The following ZNF407 variants were observed in gnomAD, a reference collection of about 807,000 sequenced individuals.
The protein encoded by ZNF407 is zinc finger protein 407.
Under a neutral mutation model 131.2 loss-of-function variants are expected in ZNF407, and 17 were observed. That is an observed-to-expected ratio of 0.13 (90% CI 0.09 to 0.19). The LOEUF (loss-of-function observed/expected upper bound fraction) is 0.19, where lower values mean the gene tolerates loss of function less well. Among genes scored for constraint, ZNF407 ranks in the 10% least tolerant of loss-of-function variants. The pLI is 1.00. For synonymous variants in ZNF407, 1,156 were observed against 1,062.0 expected (o/e 1.09, Z -1.72); for missense variants, 2,681 against 2,830.6 (o/e 0.95, Z 1.20).
At chr18:75,007,261 G>A (rs1454505394) in intron 8 of ZNF407, among the ~76,000 whole-genome samples, 1 of 151,190 alleles carries the variant, frequency 6.6e-6, no homozygotes, top group Non-Finnish European at 1.5e-5. Flanking sequence ...CTGCTTTCTT[G>A]TATCCTTTGA....
intron 4 of ZNF407, among the ~76,000 whole-genome samples, chr18:74,847,288 A>G (rs1970715770): frequency 6.6e-6 from 1 of 152,186 alleles, no homozygotes; most frequent in Non-Finnish European, 1.5e-5. Flanking sequence ...AGAAAGTCCT[A>G]TTACAATATT....
At chr18:74,795,336 T>C (rs17243850) in intron 4 of ZNF407, among the ~76,000 whole-genome samples, 25,618 of 152,180 alleles carry the variant, frequency 0.17, 2,425 homozygotes, top group Non-Finnish European at 0.22. Flanking sequence ...CATCTGGACA[T>C]TTATTTGTCA....
At chr18:75,024,739 G>A (rs1471959401) in intron 8 of ZNF407, among the ~76,000 whole-genome samples, 1 of 152,006 alleles carries the variant, frequency 6.6e-6, no homozygotes, top group African/African-American at 2.4e-5. Context: ...TAATGTCAGC[G>A]GTAAAATTTA....
At chr18:75,009,124 T>C (rs1356614643) in intron 8 of ZNF407, among the ~76,000 whole-genome samples, 1 of 152,186 alleles carries the variant, frequency 6.6e-6, no homozygotes, top group Non-Finnish European at 1.5e-5. Context: ...CTTTGTAACA[T>C]TAAAACTTCA....
intron 1 of ZNF407, among the ~76,000 whole-genome samples, chr18:74,623,962 G>A (rs1983677729): frequency 6.6e-6 from 1 of 152,170 alleles, no homozygotes; most frequent in Admixed American, 6.5e-5. Flanking sequence ...CGTAATGCTT[G>A]AAGAAGACTG....
At position 74,726,315 on chromosome 18, in the gene ZNF407, T is replaced by C. The variant is rs116391504; in HGVS notation, c.4803-55113T>C. Among the ~76,000 whole-genome samples the C allele has an allele frequency of 2.8e-4, 42 of 152,318 alleles. 1 individual carries two copies. Among genetic ancestry groups the C allele is most frequent in the African/African-American group, 9.4e-4 (39 of 41,568 alleles). On this transcript the variant is annotated intron_variant, in intron 3 of 8. Coordinates refer to ENST00000299687, the MANE Select transcript of ZNF407 (RefSeq NM_017757.3). The stretch of plus-strand genomic sequence containing the variant: ...ATGAATCATCTTATTAGATGTGTGC[T>C]TCCAGTTAATCCCTCACATATATTT...
At chr18:74,958,948 G>A (rs1972308076) in intron 8 of ZNF407, among the ~76,000 whole-genome samples, 1 of 152,156 alleles carries the variant, frequency 6.6e-6, no homozygotes, top group Non-Finnish European at 1.5e-5. Context: ...GAATGGAGAG[G>A]CGGAAGTTAC....
At chr18:74,664,297 C>T (rs1371288764) in intron 3 of ZNF407, among the ~76,000 whole-genome samples, 7 of 152,168 alleles carry the variant, frequency 4.6e-5, no homozygotes, top group African/African-American at 1.4e-4. Context: ...GTCAGGAGCT[C>T]GAGGCCAGCC....
Position 74,632,815 on chromosome 18 carries a change from A to G in ZNF407, c.1796A>G (p.Asp599Gly), listed in dbSNP as rs1351780811. The change falls in exon 2 of 9, where the codon GAT becomes GGT. Residue 599 changes from aspartate (D) to glycine (G), a missense_variant. Asp to Gly is a moderately conservative substitution (Grantham distance 94). Around this residue, in one of 6 missense-constraint regions of ZNF407, gnomAD observed 1,789 missense variants for 1,748.7 expected, o/e 1.02. Transcript: ENST00000299687. Reference protein sequence around the residue: ...SCQCCSFISLDEINLRDHMKE... With the variant: ...SCQCCSFISLGEINLRDHMKE... ...CAGTGTTGTTCATTTATATCCTTGG[A>G]TGAAATAAATCTTAGAGACCACATG... The G allele has an allele frequency of 1.9e-6, 3 of 1,613,884 alleles. No individual in the cohort carries two copies. The African/African-American group carries it at 4.0e-5, about 22-fold the overall frequency.
chr18:74,985,235 C>G (rs1419951147), intron 8 of ZNF407, among the ~76,000 whole-genome samples: 1 of 152,062 alleles, frequency 6.6e-6, no homozygotes, highest in African/African-American at 2.4e-5. Flanking sequence ...TAATTTTTAC[C>G]TCCTTAAAAT....
intron 8 of ZNF407, among the ~76,000 whole-genome samples, chr18:74,959,622 T>C (rs1209201306): frequency 6.6e-6 from 1 of 152,204 alleles, no homozygotes; most frequent in East Asian, 1.9e-4. Flanking sequence ...CGGAATACAC[T>C]TGGGAACTTG....
At chr18:74,667,847 G>T (rs897614981) in intron 3 of ZNF407, among the ~76,000 whole-genome samples, 2 of 152,170 alleles carry the variant, frequency 1.3e-5, no homozygotes, top group Non-Finnish European at 2.9e-5. Flanking sequence ...TTCAGTTTTA[G>T]GGAGTTACTT....
In ZNF407 at chr18:75,019,481, A is replaced by C. The variant is rs191023838; in HGVS notation, c.5429-43669A>C. The stretch of plus-strand genomic sequence containing the variant: ...ATAGTAAATGGAAAATTCCAGAAAC[A>C]GTTATTTAAATTGCTTTTTAAATTA... On this transcript the variant is annotated intron_variant, in intron 8 of 8. Coordinates refer to ENST00000299687, the MANE Select transcript of ZNF407 (RefSeq NM_017757.3). 1.8e-3 allele frequency among the ~76,000 whole-genome samples: 271 copies of C among 152,282 alleles called. 3 individuals carry two copies. Among genetic ancestry groups the C allele is most frequent in the Admixed American group, 0.017 (256 of 15,304 alleles).
At chr18:74,700,173 A>G (rs540826746) in intron 3 of ZNF407, among the ~76,000 whole-genome samples, 1 of 152,338 alleles carries the variant, frequency 6.6e-6, no homozygotes, top group African/African-American at 2.4e-5. Context: ...ATTAAATTTA[A>G]TATTCTGCTA....
chr18:74,772,115 T>C (rs1969375238), intron 3 of ZNF407, among the ~76,000 whole-genome samples: 1 of 152,174 alleles, frequency 6.6e-6, no homozygotes, highest in Admixed American at 6.5e-5. Flanking sequence ...CTTTGCCCCA[T>C]TTTCTTGAAA....
chr18:75,020,800 A>C (rs1278762031), intron 8 of ZNF407, among the ~76,000 whole-genome samples: 1 of 152,232 alleles, frequency 6.6e-6, no homozygotes, highest in African/African-American at 2.4e-5. Flanking sequence ...TCAGCATTTT[A>C]GAATGAGAAG....
chr18:74,953,452 C>A (rs1293052716), intron 8 of ZNF407, among the ~76,000 whole-genome samples: 4 of 152,116 alleles, frequency 2.6e-5, no homozygotes, highest in Admixed American at 2.0e-4. Flanking sequence ...TGTATCATGG[C>A]CATCTTTTCT....
chr18:74,635,449 A>AG lies in ZNF407; in HGVS notation c.4432dup (p.Glu1478GlyfsTer10). 1 of 1,613,526 alleles carries AG rather than the reference A, an allele frequency of 6.2e-7. No individual in the cohort carries two copies. The highest frequency in any genetic ancestry group is 8.5e-7 in the Non-Finnish European group (1 of 1,179,628). ...ATGAGAAATGAGCAGGCCAGTGTGG[A>AG]GGAGCTTCCGGAGGGAGGGGCCACC... On this transcript the variant is annotated frameshift_variant, in exon 2 of 9. Coordinates refer to ENST00000299687, the MANE Select transcript of ZNF407 (RefSeq NM_017757.3). LOFTEE classifies it high-confidence loss of function. The surrounding 1 kb of genome is among the most constrained non-coding windows in gnomAD (Gnocchi z 4.7).
intron 3 of ZNF407, among the ~76,000 whole-genome samples, chr18:74,744,539 C>T (rs943807406): frequency 6.6e-6 from 1 of 152,038 alleles, no homozygotes; most frequent in Admixed American, 6.6e-5. Flanking sequence ...AAAGGAAACA[C>T]ATTTTTGTTG....
Sources: gnomAD v4.1 joint callset for allele counts (sites outside exome capture counted in the v4.1 genomes callset) on GRCh38, gnomAD v4.1.1 for gene constraint, gnomAD v4.1.1 regional missense constraint, Gnocchi (gnomAD v3.1) non-coding constraint, MANE v1.5 for transcripts, NCBI Gene and HGNC (gene_info 2026-07-23, HGNC 2026-07-21) for gene names.